Variants in NGF observed in about 807,000 individuals in gnomAD.
The protein encoded by NGF is beta-nerve growth factor.
In NGF, 4 loss-of-function variants were observed where a neutral mutation model predicts 12.8. The ratio of observed to expected loss-of-function variants is 0.31; its 90% CI spans 0.15 to 0.72. NGF has a LOEUF of 0.72. NGF is among the 30% of genes least tolerant of loss of function. NGF has a pLI of 0.69. For synonymous variants in NGF, 140 were observed against 130.0 expected (o/e 1.08, Z -0.52); for missense variants, 283 against 330.8 (o/e 0.86, Z 1.12).
chr1:115,333,654 T>C, intron 1 of NGF, among the ~76,000 whole-genome samples: 1 of 144,766 alleles, frequency 6.9e-6, no homozygotes. Context: ...TTTCTTTCTT[T>C]CTCTTTCTTT....
chr1:115,333,969 T>C (rs1655035266), intron 1 of NGF, among the ~76,000 whole-genome samples: 1 of 151,960 alleles, frequency 6.6e-6, no homozygotes, highest in African/African-American at 2.4e-5. Flanking sequence ...CCTCCTACCC[T>C]CTGAAGACAT....
intron 1 of NGF, among the ~76,000 whole-genome samples, chr1:115,326,778 C>T (rs1237499865): frequency 6.6e-6 from 1 of 152,158 alleles, no homozygotes; most frequent in Non-Finnish European, 1.5e-5. Context: ...AGGCCAGAAC[C>T]AGCACGAGCA....
chr1:115,297,779 G>T (rs752503765), intron 1 of NGF, among the ~76,000 whole-genome samples: 1 of 152,170 alleles, frequency 6.6e-6, no homozygotes, highest in South Asian at 2.1e-4. Flanking sequence ...CTCTGTAGCA[G>T]TGGTTCTCAA....
intron 1 of NGF, among the ~76,000 whole-genome samples, chr1:115,294,669 G>A (rs201732113): frequency 1.3e-5 from 2 of 152,250 alleles, no homozygotes; most frequent in African/African-American, 2.4e-5. Flanking sequence ...GACGCTCAGC[G>A]AGGAGCTCTG....
At chr1:115,308,517 A>G (rs753769263) in intron 1 of NGF, among the ~76,000 whole-genome samples, 1 of 152,226 alleles carries the variant, frequency 6.6e-6, no homozygotes, top group Non-Finnish European at 1.5e-5. Flanking sequence ...GAAGAGAGGC[A>G]AGTGCTACTT....
At chr1:115,290,886 C>T (rs1230722865) in intron 2 of NGF, among the ~76,000 whole-genome samples, 1 of 152,204 alleles carries the variant, frequency 6.6e-6, no homozygotes. Flanking sequence ...CTCCTGCCTC[C>T]AGTGTTCCTT....
intron 1 of NGF, among the ~76,000 whole-genome samples, chr1:115,300,329 A>G (rs1653998578): frequency 6.6e-6 from 1 of 152,158 alleles, no homozygotes; most frequent in African/African-American, 2.4e-5. Context: ...CCATCCTTCA[A>G]TTAAGGAGGG....
At chr1:115,291,842 G>A (rs1467584140) in intron 2 of NGF, among the ~76,000 whole-genome samples, 1 of 152,196 alleles carries the variant, frequency 6.6e-6, no homozygotes, top group African/African-American at 2.4e-5. Flanking sequence ...GGGAGGCTTG[G>A]CAACCATGCC....
intron 1 of NGF, among the ~76,000 whole-genome samples, chr1:115,312,731 T>C (rs1244949983): frequency 1.3e-5 from 2 of 152,148 alleles, no homozygotes; most frequent in Admixed American, 1.3e-4. Context: ...CAATAGGAAA[T>C]AGACCTTAAT....
intron 1 of NGF, among the ~76,000 whole-genome samples, chr1:115,301,039 C>T (rs991261141): frequency 2.0e-5 from 3 of 152,170 alleles, no homozygotes; most frequent in East Asian, 1.9e-4. Flanking sequence ...AACCTGCTGT[C>T]CTTTCTAAAG....
chr1:115,296,295 C>G (rs1194690405), intron 1 of NGF, among the ~76,000 whole-genome samples: 2 of 152,112 alleles, frequency 1.3e-5, no homozygotes, highest in Non-Finnish European at 2.9e-5. Flanking sequence ...TGGGGCCTGC[C>G]CACTGAACGT....
At chr1:115,331,053 T>C (rs1314824963) in intron 1 of NGF, among the ~76,000 whole-genome samples, 1 of 152,100 alleles carries the variant, frequency 6.6e-6, no homozygotes, top group East Asian at 1.9e-4. Context: ...GAAAAAGCAA[T>C]TCAAAATCCT....
intron 2 of NGF, among the ~76,000 whole-genome samples, chr1:115,292,643 C>G (rs549782283): frequency 1.8e-3 from 280 of 152,266 alleles, no homozygotes; most frequent in African/African-American, 6.4e-3. Flanking sequence ...CTCAGCTTTG[C>G]TATCTTTTAG....
At chr1:115,329,285 C>A (rs1654849144) in intron 1 of NGF, among the ~76,000 whole-genome samples, 1 of 150,966 alleles carries the variant, frequency 6.6e-6, no homozygotes, top group African/African-American at 2.5e-5. Flanking sequence ...AGATGTACTT[C>A]ATACACTTTG....
At chr1:115,300,704 C>G (rs1654009137) in intron 1 of NGF, among the ~76,000 whole-genome samples, 1 of 152,232 alleles carries the variant, frequency 6.6e-6, no homozygotes, top group African/African-American at 2.4e-5. Flanking sequence ...AGAGATAACT[C>G]AGCCCAGCTT....
At chr1:115,336,006 C>T (rs569639007) in intron 1 of NGF, among the ~76,000 whole-genome samples, 8 of 152,312 alleles carry the variant, frequency 5.3e-5, no homozygotes, top group African/African-American at 1.7e-4. Flanking sequence ...TGTCGGCAAC[C>T]AGGGCCCCCT....
intron 1 of NGF, among the ~76,000 whole-genome samples, chr1:115,329,160 G>A (rs1185271935): frequency 6.6e-6 from 1 of 151,692 alleles, no homozygotes; most frequent in Non-Finnish European, 1.5e-5. Context: ...GAAGGAGGAG[G>A]AATGGGCAAG....
At chr1:115,316,517 T>C (rs533371502) in intron 1 of NGF, among the ~76,000 whole-genome samples, 1 of 152,352 alleles carries the variant, frequency 6.6e-6, no homozygotes, top group South Asian at 2.1e-4. Flanking sequence ...TCAGGTATTA[T>C]GGTAAATACT....
chr1:115,309,354 T>A (rs1654283077), intron 1 of NGF, among the ~76,000 whole-genome samples: 3 of 152,208 alleles, frequency 2.0e-5, no homozygotes, highest in African/African-American at 7.2e-5. Flanking sequence ...ATTAGGAGAT[T>A]ATGGGTGATT....
Sources: allele counts gnomAD v4.1 joint callset (sites outside exome capture counted in the v4.1 genomes callset), GRCh38; gene constraint gnomAD v4.1.1; transcripts MANE v1.5; gene names NCBI Gene and HGNC (gene_info 2026-07-23, HGNC 2026-07-21).